The following CTNNA3 variants were observed in gnomAD, a reference collection of about 807,000 sequenced individuals.
CTNNA3 encodes the protein catenin alpha-3.
A neutral mutation model predicts 95.7 loss-of-function variants in CTNNA3; 76 were observed. That is an observed-to-expected ratio of 0.79 (90% confidence interval 0.66 to 0.96). The LOEUF is 0.96. CTNNA3 is among the 40% of genes least tolerant of loss of function. The pLI is 0.00. For missense variants in CTNNA3, 1,191 were observed against 1,089.8 expected (o/e 1.09, Z -1.31); for synonymous variants, 431 against 374.4 (o/e 1.15, Z -1.74).
At chr10:66,479,713 G>A (rs1353310297) in intron 11 of CTNNA3, among the ~76,000 whole-genome samples, 1 of 151,978 alleles carries the variant, frequency 6.6e-6, no homozygotes, top group Non-Finnish European at 1.5e-5. Context: ...TAAGACAAGA[G>A]TACGGAACCA....
chr10:66,321,787 G>C (rs73303449), intron 12 of CTNNA3, among the ~76,000 whole-genome samples: 2,700 of 152,146 alleles, frequency 0.018, 85 homozygotes, highest in African/African-American at 0.06. Flanking sequence ...CCACTGCTAC[G>C]AAAAAGCTCC....
intron 2 of CTNNA3, among the ~76,000 whole-genome samples, chr10:67,612,832 G>A (rs1843504589): frequency 6.6e-6 from 1 of 151,996 alleles, no homozygotes; most frequent in Admixed American, 6.6e-5. Context: ...ACAGAAACGG[G>A]GCATCATTCT....
At chr10:66,772,598 G>A (rs1266365405) in intron 8 of CTNNA3, among the ~76,000 whole-genome samples, 1 of 152,146 alleles carries the variant, frequency 6.6e-6, no homozygotes, top group Non-Finnish European at 1.5e-5. Flanking sequence ...AAGAACATTT[G>A]TCTTTGTTCT....
At chr10:66,055,075 G>A (rs1351662358) in intron 15 of CTNNA3, among the ~76,000 whole-genome samples, 1 of 152,008 alleles carries the variant, frequency 6.6e-6, no homozygotes, top group Non-Finnish European at 1.5e-5. Context: ...TTTTCCATTG[G>A]TCTGTGTGTC....
chr10:67,137,858 T>A (rs576122125), intron 7 of CTNNA3, among the ~76,000 whole-genome samples: 149 of 151,954 alleles, frequency 9.8e-4, no homozygotes, highest in Non-Finnish European at 1.9e-3. Context: ...GTATGAGTTA[T>A]CATGACATGC....
In CTNNA3 at chr10:66,952,322, T is replaced by C. The variant is rs146204867; in HGVS notation, c.1048-176798A>G. ...TGAAAAGAGACAGATGTCACTTTTA[T>C]ACTCAATCTAAGAGCTACTACCTTT... On this transcript the variant is annotated intron_variant, in intron 7 of 17. Transcript: ENST00000433211. Among the ~76,000 whole-genome samples, 1,271 of 152,328 alleles carry C rather than the reference T, an allele frequency of 8.3e-3. 8 individuals are homozygous for C. The highest frequency in any genetic ancestry group is 0.034 in the Middle Eastern group (10 of 294).
chr10:66,187,846 A>T (rs935735136), intron 13 of CTNNA3, among the ~76,000 whole-genome samples: 2 of 152,158 alleles, frequency 1.3e-5, no homozygotes, highest in African/African-American at 4.8e-5. Flanking sequence ...CTAGTTTTCA[A>T]TAAGGAATTA....
intron 1 of CTNNA3, among the ~76,000 whole-genome samples, chr10:67,715,834 T>G (rs1841139254): frequency 6.6e-6 from 1 of 152,004 alleles, no homozygotes; most frequent in Non-Finnish European, 1.5e-5. Flanking sequence ...GGCTGTATAT[T>G]GCAAACATTA....
intron 11 of CTNNA3, among the ~76,000 whole-genome samples, chr10:66,497,082 T>C (rs1292202787): frequency 6.6e-6 from 1 of 152,118 alleles, no homozygotes; most frequent in Admixed American, 6.6e-5. Flanking sequence ...TTTAACTTAA[T>C]TACCTCTTTA....
At chr10:67,288,847 C>T (rs965651409) in intron 5 of CTNNA3, among the ~76,000 whole-genome samples, 1 of 152,068 alleles carries the variant, frequency 6.6e-6, no homozygotes. Flanking sequence ...TAGTGTAGTC[C>T]TAGCTACATG....
chr10:66,205,221 C>T (rs1362026955), intron 13 of CTNNA3, among the ~76,000 whole-genome samples: 1 of 151,904 alleles, frequency 6.6e-6, no homozygotes, highest in Admixed American at 6.6e-5. Context: ...TATTTAAATT[C>T]TTCCATAGTT....
intron 13 of CTNNA3, among the ~76,000 whole-genome samples, chr10:66,206,688 C>T (rs1196010386): frequency 1.3e-5 from 2 of 151,902 alleles, no homozygotes; most frequent in East Asian, 1.9e-4. Context: ...ATATCATCTA[C>T]ACTCTTAGAA....
intron 11 of CTNNA3, among the ~76,000 whole-genome samples, chr10:66,506,098 G>A (rs1189688451): frequency 6.6e-6 from 1 of 152,100 alleles, no homozygotes; most frequent in Admixed American, 6.5e-5. Context: ...AGCAAAGGGT[G>A]CGGGGTGCCA....
chr10:66,091,106 A>G (rs1395134302), intron 14 of CTNNA3, among the ~76,000 whole-genome samples: 5 of 151,918 alleles, frequency 3.3e-5, no homozygotes, highest in Non-Finnish European at 7.4e-5. Context: ...AACAATATGT[A>G]TACATGTTCA....
intron 9 of CTNNA3, among the ~76,000 whole-genome samples, chr10:66,644,304 CTCTATATA>C (rs1176770757): frequency 1.6e-5 from 2 of 123,616 alleles, no homozygotes; most frequent in Admixed American, 8.2e-5. Context: ...CTCTCTCTCT[CTCTATATA>C]TATATATATA....
At chr10:65,966,408 AAAC>A (rs1232869721) in intron 17 of CTNNA3, among the ~76,000 whole-genome samples, 1 of 152,228 alleles carries the variant, frequency 6.6e-6, no homozygotes, top group South Asian at 2.1e-4. Context: ...AAGTAAATAA[AAAC>A]AACATTTTTA....
chr10:66,874,614 C>A (rs115214631), intron 7 of CTNNA3, among the ~76,000 whole-genome samples: 1 of 152,094 alleles, frequency 6.6e-6, no homozygotes, highest in Non-Finnish European at 1.5e-5. Flanking sequence ...AATATAACTT[C>A]GTTTCAATTT....
At chr10:66,303,001 G>T (rs1054742287) in intron 12 of CTNNA3, among the ~76,000 whole-genome samples, 1 of 152,076 alleles carries the variant, frequency 6.6e-6, no homozygotes, top group African/African-American at 2.4e-5. Context: ...TAGAAATCAA[G>T]TAGGAATTTG....
intron 6 of CTNNA3, among the ~76,000 whole-genome samples, chr10:67,198,870 T>C (rs1207058429): frequency 6.6e-6 from 1 of 152,218 alleles, no homozygotes; most frequent in Non-Finnish European, 1.5e-5. Flanking sequence ...TTGATATTTA[T>C]AGTCTTTAAA....
Sources: gnomAD v4.1 joint callset for allele counts (sites outside exome capture counted in the v4.1 genomes callset) on GRCh38, gnomAD v4.1.1 for gene constraint, MANE v1.5 for transcripts, NCBI Gene and HGNC (gene_info 2026-07-23, HGNC 2026-07-21) for gene names.